TRPC6: variants seen among roughly 807,000 people sequenced by gnomAD.
The protein encoded by TRPC6 is transient receptor potential cation channel subfamily C member 6, also known as short transient receptor potential channel 6.
In TRPC6, 55 loss-of-function variants were observed where a neutral mutation model predicts 90.7. The observed-to-expected ratio is 0.61, with a 90% CI of 0.49 to 0.76. TRPC6 has a LOEUF of 0.76. TRPC6 is among the 30% of genes least tolerant of loss of function. The pLI is 0.00. For missense variants in TRPC6, 989 were observed against 1,122.7 expected (o/e 0.88, Z 1.70); for synonymous variants, 393 against 393.0 (o/e 1.00, Z 0.00).
chr11:101,556,459 A>G (rs1861562257), intron 1 of TRPC6, among the ~76,000 whole-genome samples: 1 of 152,192 alleles, frequency 6.6e-6, no homozygotes, highest in South Asian at 2.1e-4. Context: ...GATAACCTAG[A>G]AGAAATAAAT....
intron 5 of TRPC6, among the ~76,000 whole-genome samples, chr11:101,478,672 A>G (rs1859472438): frequency 6.6e-6 from 1 of 152,124 alleles, no homozygotes; most frequent in Admixed American, 6.5e-5. Flanking sequence ...ATCAAGTCCA[A>G]GCTTGCCCCA....
intron 1 of TRPC6, among the ~76,000 whole-genome samples, chr11:101,507,012 C>CTA: frequency 7.4e-6 from 1 of 135,220 alleles, no homozygotes; most frequent in Non-Finnish European, 1.6e-5. Flanking sequence ...CTCTAACACA[C>CTA]ACACACACAC....
intron 6 of TRPC6, 119 bp downstream of exon 6, chr11:101,476,182 A>T: frequency 1.2e-6 from 1 of 800,514 alleles, no homozygotes. Flanking sequence ...CTTCAGATAC[A>T]GATGTTGGAA....
intron 1 of TRPC6, among the ~76,000 whole-genome samples, chr11:101,551,406 A>C (rs1427997220): frequency 1.3e-5 from 2 of 152,058 alleles, no homozygotes; most frequent in Non-Finnish European, 2.9e-5. Context: ...AAGGCCAAAA[A>C]ATACATCAGA....
intron 1 of TRPC6, among the ~76,000 whole-genome samples, chr11:101,539,577 T>C (rs1861126416): frequency 6.6e-6 from 1 of 152,226 alleles, no homozygotes; most frequent in Admixed American, 6.5e-5. Flanking sequence ...TTTTTGGTTT[T>C]ACTAAACAGT....
At chr11:101,501,231 T>G (rs1860114588) in intron 2 of TRPC6, among the ~76,000 whole-genome samples, 1 of 149,960 alleles carries the variant, frequency 6.7e-6, no homozygotes, top group African/African-American at 2.5e-5. Flanking sequence ...TTTTATTTCC[T>G]GAGACTCTAA....
chr11:101,505,504 T>C (rs1455132989), intron 1 of TRPC6, among the ~76,000 whole-genome samples: 1 of 152,114 alleles, frequency 6.6e-6, no homozygotes, highest in Non-Finnish European at 1.5e-5. Flanking sequence ...GGGTTAGGTA[T>C]AGGTAGAAAG....
chr11:101,504,889 G>A (rs2136743793), intron 1 of TRPC6, 91 bp from the exon 2 acceptor site: 1 of 1,413,786 alleles, frequency 7.1e-7, no homozygotes, highest in Non-Finnish European at 9.7e-7. Flanking sequence ...CAATCCTCAA[G>A]TATATTAGAT....
chr11:101,492,377 A>C (rs916773287), intron 2 of TRPC6, among the ~76,000 whole-genome samples: 1 of 152,114 alleles, frequency 6.6e-6, no homozygotes, highest in East Asian at 1.9e-4. Flanking sequence ...TGAGCCCAGA[A>C]GTTGGAGACC....
chr11:101,472,244 T>C lies in TRPC6; in HGVS notation c.2098A>G (p.Ile700Val). The change falls in exon 8 of 13, where the codon ATT (isoleucine) becomes GTT (valine). Residue 700 changes from isoleucine (I) to valine (V), a missense_variant. Around this residue, in one of 4 missense-constraint regions of TRPC6, gnomAD observed 118 missense variants for 197.6 expected, o/e 0.60. Coordinates refer to ENST00000344327, the MANE Select transcript of TRPC6 (RefSeq NM_004621.6). ...TAAAGAACGTAACCAATGTTTTCAA[T>C]GAATTTGTGGTTATAGTTGATGACC... The part of the protein sequence containing the change: ...SVVINYNHKF[I>V]ENIGYVLYGV... 1 of 1,613,330 alleles carries C rather than the reference T, an allele frequency of 6.2e-7. No homozygotes were observed. Among genetic ancestry groups the C allele is most frequent in the Non-Finnish European group, 8.5e-7 (1 of 1,179,548 alleles).
intron 1 of TRPC6, among the ~76,000 whole-genome samples, chr11:101,511,701 T>C (rs1860397304): frequency 2.0e-5 from 3 of 152,160 alleles, no homozygotes; most frequent in South Asian, 4.2e-4. Flanking sequence ...ACTTTAAAGA[T>C]GGAACTAGGG....
At chr11:101,476,233 T>G in intron 6 of TRPC6, 68 bp downstream of exon 6, 2 of 1,317,494 alleles carry the variant, frequency 1.5e-6, no homozygotes, top group South Asian at 2.4e-5. Flanking sequence ...GTAACCGAAC[T>G]ACTACTGACA....
chr11:101,568,765 G>T (rs1440674309), intron 1 of TRPC6, among the ~76,000 whole-genome samples: 1 of 152,094 alleles, frequency 6.6e-6, no homozygotes, highest in Non-Finnish European at 1.5e-5. Flanking sequence ...GCCAAACTAA[G>T]CTTCATAAGC....
chr11:101,577,495 G>T (rs1862094927), intron 1 of TRPC6, among the ~76,000 whole-genome samples: 1 of 152,124 alleles, frequency 6.6e-6, no homozygotes, highest in Non-Finnish European at 1.5e-5. Flanking sequence ...AATCATCTAG[G>T]AAAGAAGGAG....
rs79377675 is a variant in TRPC6 at position 101,481,730 on chromosome 11, A to G, written c.1510+1219T>C. On this transcript the variant is annotated intron_variant, in intron 5 of 12. Coordinates refer to ENST00000344327, the MANE Select transcript of TRPC6 (RefSeq NM_004621.6). The stretch of plus-strand genomic sequence containing the variant: ...CATCCTCCTCGCAGGGAGCACTTCC[A>G]TTGAGTCTCAGCCTCTGGACTCTTT... 2.6e-5 allele frequency among the ~76,000 whole-genome samples: 4 copies of G among 152,286 alleles called. No homozygotes were observed. In the East Asian group the frequency reaches 7.7e-4, roughly 29 times the overall value.
intron 11 of TRPC6, among the ~76,000 whole-genome samples, chr11:101,454,752 T>A (rs1020796723): frequency 2.0e-5 from 3 of 152,134 alleles, no homozygotes; most frequent in Admixed American, 2.0e-4. Context: ...GTCGTCTTTA[T>A]GTTTTTTGTA....
chr11:101,522,178 G>A (rs900067460), intron 1 of TRPC6, among the ~76,000 whole-genome samples: 12 of 152,208 alleles, frequency 7.9e-5, no homozygotes, highest in Non-Finnish European at 1.5e-5. Flanking sequence ...ATGTTGAATT[G>A]TAATGCCCAG....
intron 1 of TRPC6, among the ~76,000 whole-genome samples, chr11:101,534,046 C>T (rs1384375389): frequency 6.6e-6 from 1 of 152,144 alleles, no homozygotes; most frequent in African/African-American, 2.4e-5. Context: ...TCAGGCTCTG[C>T]CATCAGGAAG....
At chr11:101,579,204 T>G (rs1253354971) in intron 1 of TRPC6, among the ~76,000 whole-genome samples, 1 of 152,214 alleles carries the variant, frequency 6.6e-6, no homozygotes, top group African/African-American at 2.4e-5. Context: ...TAATCTGCAT[T>G]TAGCCCTTCC....
Sources: allele counts gnomAD v4.1 joint callset (sites outside exome capture counted in the v4.1 genomes callset), GRCh38; gene constraint gnomAD v4.1.1; regional missense constraint gnomAD v4.1.1; transcripts MANE v1.5; gene names NCBI Gene and HGNC (gene_info 2026-07-23, HGNC 2026-07-21).